Variants in SP3 observed in about 807,000 individuals in gnomAD.
SP3 encodes transcription factor Sp3.
SP3 carries 10 observed loss-of-function variants against 70.3 expected under a neutral mutation model. The ratio of observed to expected loss-of-function variants is 0.14; its 90% CI spans 0.09 to 0.24. The LOEUF (loss-of-function observed/expected upper bound fraction) is 0.24. SP3 is among the 10% of genes least tolerant of loss of function. SP3 has a pLI of 1.00. For synonymous variants in SP3, 402 were observed against 333.5 expected (o/e 1.21, Z -2.24); for missense variants, 825 against 914.6 (o/e 0.90, Z 1.26).
At chr2:173,925,527 T>C (rs1239922001) in intron 4 of SP3, among the ~76,000 whole-genome samples, 1 of 152,202 alleles carries the variant, frequency 6.6e-6, no homozygotes, top group Non-Finnish European at 1.5e-5. Context: ...ATTACTGAAC[T>C]GTACACTTAA....
At chr2:173,964,311 G>GGAGGGAGGGGTGAGGCGAA in intron 2 of SP3, 94 bp downstream of exon 2, 1 of 594,194 alleles carries the variant, frequency 1.7e-6, no homozygotes, top group South Asian at 1.9e-5. Context: ...GGAGAGACGA[G>GGAGGGAGGGGTGAGGCGAA]GAGGGAGGGG....
At chr2:173,914,907 A>C (rs1409594404) in intron 5 of SP3, 1 of 152,198 alleles carries the variant, frequency 6.6e-6, no homozygotes, top group Non-Finnish European at 1.5e-5. Context: ...GTTTGTGGCT[A>C]CTGGTGTACA....
At chr2:173,935,176 A>G (rs1690174996) in intron 4 of SP3, among the ~76,000 whole-genome samples, 1 of 152,184 alleles carries the variant, frequency 6.6e-6, no homozygotes, top group Non-Finnish European at 1.5e-5. Context: ...TCGGGGCTGC[A>G]GTAAGCTATG....
intron 1 of SP3, 23 bp downstream of exon 1, chr2:173,965,142 G>A (rs1418609398): frequency 1.9e-6 from 3 of 1,548,574 alleles, no homozygotes; most frequent in Admixed American, 3.9e-5. Context: ...AGCAGCAAGG[G>A]TTGCTCTCTC....
intron 4 of SP3, among the ~76,000 whole-genome samples, chr2:173,939,093 G>C (rs1202487754): frequency 6.6e-6 from 1 of 152,188 alleles, no homozygotes; most frequent in East Asian, 1.9e-4. Context: ...AGAAATCATA[G>C]TCTAACTTGT....
At chr2:173,959,479 A>G (rs1431272353) in intron 3 of SP3, among the ~76,000 whole-genome samples, 3 of 152,190 alleles carry the variant, frequency 2.0e-5, no homozygotes, top group Non-Finnish European at 4.4e-5. Context: ...TAATCCTAGC[A>G]CTGTGGGAGG....
intron 4 of SP3, among the ~76,000 whole-genome samples, chr2:173,922,647 C>T (rs1395190428): frequency 6.6e-6 from 1 of 152,010 alleles, no homozygotes; most frequent in Non-Finnish European, 1.5e-5. Context: ...TATGAGGAAA[C>T]TGGTGTCCAG....
At chr2:173,948,967 T>C (rs372551472) in intron 4 of SP3, among the ~76,000 whole-genome samples, 4 of 152,094 alleles carry the variant, frequency 2.6e-5, no homozygotes, top group African/African-American at 7.2e-5. Flanking sequence ...CATCCTCAGG[T>C]TATTTTTGAT....
rs116592788 is a variant in SP3, at chr2:173,960,334, G to A, written c.279+3427C>T. Among the ~76,000 whole-genome samples the A allele has an allele frequency of 5.3e-3, 800 of 152,270 alleles. 3 individuals are homozygous for A. The highest frequency in any genetic ancestry group is 0.018 in the African/African-American group (764 of 41,544). On this transcript the variant is annotated intron_variant, in intron 3 of 6. Transcript: ENST00000310015. ...GCATTTGGAAATGATTATTAACTTA[G>A]TTCCCACGAATGCCTTTACGAAAGC... is the stretch of plus-strand genomic sequence containing the variant.
chr2:173,964,843 GCT>G (rs1691240869), intron 1 of SP3: 1 of 473,100 alleles, frequency 2.1e-6, no homozygotes, highest in South Asian at 3.5e-5. Flanking sequence ...CGCGCCGCTC[GCT>G]CTCACTCGCG....
Position 173,953,104 on chromosome 2 carries a change from T to C in SP3, c.1639+1769A>G, listed in dbSNP as rs558880873. ...ACATGCAGCCCTCAAGGGTCAAGAT[T>C]TAGTAAATATCTTTTCTTACTGGTT... On this transcript the variant is annotated intron_variant, in intron 4 of 6. Coordinates refer to ENST00000310015, the MANE Select transcript of SP3 (RefSeq NM_003111.5). Among the ~76,000 whole-genome samples the C allele has an allele frequency of 2.0e-5, 3 of 152,364 alleles. No homozygotes were observed. The East Asian group carries it at 5.8e-4, about 29-fold the overall frequency.
chr2:173,945,682 T>C (rs1342490004), intron 4 of SP3, among the ~76,000 whole-genome samples: 4 of 152,130 alleles, frequency 2.6e-5, no homozygotes, highest in African/African-American at 9.7e-5. Flanking sequence ...AAGAGGTAAA[T>C]AACATCTTAA....
At chr2:173,962,673 TA>T (rs777181952) in intron 3 of SP3, among the ~76,000 whole-genome samples, 28 of 152,094 alleles carry the variant, frequency 1.8e-4, no homozygotes, top group Admixed American at 5.2e-4. Context: ...CTGGACATAC[TA>T]AGCATTTGTT....
At chr2:173,964,318 G>C in intron 2 of SP3, 87 bp downstream of exon 2, 1 of 606,656 alleles carries the variant, frequency 1.6e-6, no homozygotes, top group Non-Finnish European at 2.9e-6. Flanking sequence ...CGAGGAGGGA[G>C]GGGTGAGGCG....
intron 4 of SP3, among the ~76,000 whole-genome samples, chr2:173,948,189 C>T (rs1399955418): frequency 6.6e-6 from 1 of 152,146 alleles, no homozygotes; most frequent in Non-Finnish European, 1.5e-5. Flanking sequence ...GACCTAAATA[C>T]TTAGCAAGTA....
Position 173,913,137 on chromosome 2 carries a change from G to A in SP3, c.1962C>T (p.Asn654=), listed in dbSNP as rs1314862165. 6.2e-7 allele frequency: 1 copy of A among 1,612,906 alleles called. No homozygotes were observed. The highest frequency in any genetic ancestry group is 8.5e-7 in the Non-Finnish European group (1 of 1,179,302). ...WHSGERPFVC[N]WMYCGKRFTR... is the part of the protein sequence containing the mutation. ...TAAATCTTTTACCACAGTACATCCA[G>A]TTACAAACAAAAGGGCGTTCTCCAG... is the stretch of plus-strand genomic sequence containing the variant. The change falls in exon 6 of 7, where the codon AAC becomes AAT. Residue 654 remains asparagine, a synonymous_variant. Coordinates refer to ENST00000310015, the MANE Select transcript of SP3 (RefSeq NM_003111.5).
chr2:173,903,905 CT>C lies in SP3; in HGVS notation c.*6035del, dbSNP rs1689239243. 7.0e-6 allele frequency among the ~76,000 whole-genome samples: 1 copy of C among 142,394 alleles called. No homozygotes were observed. Among genetic ancestry groups the C allele is most frequent in the Non-Finnish European group, 1.5e-5 (1 of 66,390 alleles). The allele number at this position is 142,394 out of a possible 152,430, so 93.4% of individuals were successfully genotyped here. On this transcript the variant is annotated 3_prime_UTR_variant, in exon 7 of 7. Coordinates refer to ENST00000310015, the MANE Select transcript of SP3 (RefSeq NM_003111.5). ...CTCACTTGGCAGGCAATAAACGTGACTTTTTGTTGGTATTTCCTAGGACGGC... is the reference window on the plus strand; with the variant it reads ...CTCACTTGGCAGGCAATAAACGTGACTTTTGTTGGTATTTCCTAGGACGGC...
At chr2:173,910,388 T>C (rs1035673523) in intron 6 of SP3, 131 bp from the exon 7 acceptor site, 3 of 661,318 alleles carry the variant, frequency 4.5e-6, no homozygotes, top group African/African-American at 3.6e-5. Context: ...AAAATTGTAT[T>C]CATTTTACGA....
At chr2:173,956,747 ACT>A in intron 3 of SP3, among the ~76,000 whole-genome samples, 1 of 152,256 alleles carries the variant, frequency 6.6e-6, no homozygotes, top group African/African-American at 2.4e-5. Flanking sequence ...AAGCTATCAA[ACT>A]CTACTTTTTC....
Sources: gnomAD v4.1 joint callset for allele counts (sites outside exome capture counted in the v4.1 genomes callset) on GRCh38, gnomAD v4.1.1 for gene constraint, MANE v1.5 for transcripts, NCBI Gene and HGNC (gene_info 2026-07-23, HGNC 2026-07-21) for gene names.